Variants in EFNA5 observed in about 807,000 individuals in gnomAD.
EFNA5 encodes ephrin A5.
Under a neutral mutation model 22.9 loss-of-function variants are expected in EFNA5, and 5 were observed. The observed-to-expected ratio is 0.22, with a 90% confidence interval of 0.11 to 0.46. EFNA5 has a LOEUF of 0.46. EFNA5 is among the 20% of genes least tolerant of loss of function. The pLI is 0.99. For synonymous variants in EFNA5, 113 were observed against 112.2 expected (o/e 1.01, Z -0.04); for missense variants, 237 against 293.3 (o/e 0.81, Z 1.40).
chr5:107,590,623 G>A (rs1749301217), intron 1 of EFNA5, among the ~76,000 whole-genome samples: 1 of 151,866 alleles, frequency 6.6e-6, no homozygotes, highest in Non-Finnish European at 1.5e-5. Flanking sequence ...GAACTCCTGA[G>A]CTCAAGTGAT....
At chr5:107,550,162 G>T (rs1748257775) in intron 1 of EFNA5, among the ~76,000 whole-genome samples, 1 of 152,188 alleles carries the variant, frequency 6.6e-6, no homozygotes, top group Non-Finnish European at 1.5e-5. Context: ...TTTTAGATGT[G>T]CTCAGATTTC....
chr5:107,508,345 C>A (rs1747294564), intron 1 of EFNA5, among the ~76,000 whole-genome samples: 1 of 152,108 alleles, frequency 6.6e-6, no homozygotes, highest in Non-Finnish European at 1.5e-5. Flanking sequence ...GTGAGGTCAC[C>A]GTATTATAGA....
At chr5:107,524,096 C>T (rs1038304249) in intron 1 of EFNA5, among the ~76,000 whole-genome samples, 2 of 152,198 alleles carry the variant, frequency 1.3e-5, no homozygotes, top group African/African-American at 2.4e-5. Context: ...AGTTAGTCAA[C>T]CAAAATGATA....
chr5:107,485,955 C>T (rs26236), intron 1 of EFNA5, among the ~76,000 whole-genome samples: 63,239 of 151,852 alleles, frequency 0.42, 13,430 homozygotes, highest in East Asian at 0.56. Context: ...GAAGCGAGCA[C>T]GGCATATTTA....
chr5:107,539,745 C>A (rs1006437019), intron 1 of EFNA5, among the ~76,000 whole-genome samples: 1 of 152,152 alleles, frequency 6.6e-6, no homozygotes, highest in Admixed American at 6.5e-5. Flanking sequence ...GCTATAGGCA[C>A]AAGCCACAGC....
chr5:107,449,992 T>C (rs1304215997), intron 1 of EFNA5, among the ~76,000 whole-genome samples: 3 of 152,204 alleles, frequency 2.0e-5, no homozygotes, highest in Non-Finnish European at 4.4e-5. Context: ...CTGACATAAA[T>C]GTTTTTGTTG....
At chr5:107,529,092 T>C (rs1482411382) in intron 1 of EFNA5, among the ~76,000 whole-genome samples, 2 of 152,230 alleles carry the variant, frequency 1.3e-5, no homozygotes, top group African/African-American at 2.4e-5. Context: ...ATTTAGGGTA[T>C]ACATTTCACA....
At chr5:107,591,926 AAT>A (rs1561442962) in intron 1 of EFNA5, among the ~76,000 whole-genome samples, 1 of 7,946 alleles carries the variant, frequency 1.3e-4, no homozygotes, top group Admixed American at 2.1e-3. Context: ...ATATATATAT[AAT>A]ATATAATATA....
intron 1 of EFNA5, among the ~76,000 whole-genome samples, chr5:107,551,338 C>G (rs557713088): frequency 6.6e-6 from 1 of 152,274 alleles, no homozygotes; most frequent in East Asian, 1.9e-4. Context: ...GCTACACGAT[C>G]TCTGCCACAG....
intron 1 of EFNA5, among the ~76,000 whole-genome samples, chr5:107,605,708 T>G (rs1347721243): frequency 6.6e-6 from 1 of 152,140 alleles, no homozygotes; most frequent in Admixed American, 6.5e-5. Flanking sequence ...GACTGAGAAT[T>G]AAAGTCACAT....
intron 1 of EFNA5, among the ~76,000 whole-genome samples, chr5:107,633,108 T>A (rs987258853): frequency 1.3e-5 from 2 of 152,330 alleles, no homozygotes; most frequent in African/African-American, 4.8e-5. Flanking sequence ...GGTCATTTTT[T>A]AAAATGCATT....
intron 1 of EFNA5, among the ~76,000 whole-genome samples, chr5:107,486,799 G>GT (rs1425795150): frequency 2.0e-5 from 3 of 152,320 alleles, no homozygotes; most frequent in Non-Finnish European, 4.4e-5. Context: ...GGGGCTGTTT[G>GT]TTACTGCAGC....
chr5:107,459,484 C>T (rs1361927409), intron 1 of EFNA5, among the ~76,000 whole-genome samples: 1 of 151,876 alleles, frequency 6.6e-6, no homozygotes, highest in Non-Finnish European at 1.5e-5. Context: ...ATCCTATGTT[C>T]ATGTTTTATA....
intron 1 of EFNA5, among the ~76,000 whole-genome samples, chr5:107,427,840 C>T (rs1441769723): frequency 2.0e-5 from 3 of 151,888 alleles, no homozygotes; most frequent in East Asian, 1.9e-4. Flanking sequence ...TCCATGTTTC[C>T]TTTCATTCTT....
At chr5:107,607,069 GA>G (rs1233864952) in intron 1 of EFNA5, among the ~76,000 whole-genome samples, 1 of 152,124 alleles carries the variant, frequency 6.6e-6, no homozygotes, top group Admixed American at 6.5e-5. Flanking sequence ...ACAAAAACAT[GA>G]ATATGGTCAC....
chr5:107,616,533 G>T (rs975529818), intron 1 of EFNA5, among the ~76,000 whole-genome samples: 1 of 152,104 alleles, frequency 6.6e-6, no homozygotes, highest in Non-Finnish European at 1.5e-5. Flanking sequence ...CATGAATAAA[G>T]TCCATGCACA....
At chr5:107,439,733 T>C (rs918745848) in intron 1 of EFNA5, among the ~76,000 whole-genome samples, 1 of 152,210 alleles carries the variant, frequency 6.6e-6, no homozygotes, top group African/African-American at 2.4e-5. Context: ...AAAACGACTG[T>C]ATTATCACCT....
chr5:107,431,124 T>C (rs1232312269), intron 1 of EFNA5, among the ~76,000 whole-genome samples: 2 of 152,202 alleles, frequency 1.3e-5, no homozygotes, highest in Non-Finnish European at 2.9e-5. Context: ...GAAAAGATGA[T>C]GATTCACTAC....
intron 1 of EFNA5, among the ~76,000 whole-genome samples, chr5:107,657,267 C>T (rs1184306046): frequency 1.3e-5 from 2 of 152,040 alleles, no homozygotes; most frequent in Non-Finnish European, 2.9e-5. Flanking sequence ...TTCAACAAAT[C>T]CATTCCTATT....
Sources: gnomAD v4.1 joint callset for allele counts (sites outside exome capture counted in the v4.1 genomes callset) on GRCh38, gnomAD v4.1.1 for gene constraint, MANE v1.5 for transcripts, NCBI Gene and HGNC (gene_info 2026-07-23, HGNC 2026-07-21) for gene names.